FSHR: variants seen among roughly 807,000 people sequenced by gnomAD.
FSHR encodes the protein follicle-stimulating hormone receptor.
FSHR carries 46 observed loss-of-function variants against 52.1 expected under a neutral mutation model. The observed-to-expected ratio is 0.88, with a 90% confidence interval of 0.70 to 1.13. The LOEUF is 1.13. Ranked by LOEUF, FSHR falls within the 50% of genes most tolerant of loss-of-function variation. The probability of loss-of-function intolerance (pLI) is 0.00; values close to 1 mark genes in which losing one functional copy is unlikely to be tolerated. For synonymous variants in FSHR, 399 were observed against 309.6 expected (o/e 1.29, Z -3.03); for missense variants, 964 against 834.6 (o/e 1.16, Z -1.91).
intron 1 of FSHR, among the ~76,000 whole-genome samples, chr2:49,076,921 G>T (rs1471191280): frequency 6.6e-6 from 1 of 152,168 alleles, no homozygotes; most frequent in Non-Finnish European, 1.5e-5. Context: ...GTAAGAGGTG[G>T]GTTCCATGAT....
chr2:48,988,952 G>C, intron 6 of FSHR, 25 bp downstream of exon 6: 2 of 1,582,842 alleles, frequency 1.3e-6, no homozygotes, highest in Non-Finnish European at 1.7e-6. Flanking sequence ...ATGTTACTCT[G>C]TTGGATTTTT....
chr2:48,997,698 C>G (rs970212410), intron 4 of FSHR, among the ~76,000 whole-genome samples: 1 of 152,128 alleles, frequency 6.6e-6, no homozygotes, highest in Non-Finnish European at 1.5e-5. Flanking sequence ...TGGTCATGCT[C>G]CAGCCTTGTA....
chr2:48,977,053 T>C (rs992193766), intron 8 of FSHR, among the ~76,000 whole-genome samples: 1 of 152,120 alleles, frequency 6.6e-6, no homozygotes, highest in Admixed American at 6.5e-5. Context: ...TACACCTATG[T>C]AACAAACCTG....
chr2:48,969,735 C>T (rs981657786), intron 8 of FSHR, among the ~76,000 whole-genome samples: 4 of 152,222 alleles, frequency 2.6e-5, no homozygotes, highest in East Asian at 1.9e-4. Context: ...GTCCATTAGA[C>T]CTCAGCACAA....
At chr2:49,094,690 A>T (rs1670756490) in intron 1 of FSHR, among the ~76,000 whole-genome samples, 1 of 152,194 alleles carries the variant, frequency 6.6e-6, no homozygotes. Flanking sequence ...AGGAAAATGT[A>T]TAGCTACAAA....
chr2:49,061,742 A>T (rs1314040507), intron 2 of FSHR, among the ~76,000 whole-genome samples: 1 of 60,074 alleles, frequency 1.7e-5, no homozygotes, highest in African/African-American at 4.3e-5. Flanking sequence ...ATAGCTATTT[A>T]TATATAACTA....
chr2:49,043,565 T>C (rs1384526685), intron 2 of FSHR, among the ~76,000 whole-genome samples: 2 of 152,196 alleles, frequency 1.3e-5, no homozygotes, highest in African/African-American at 2.4e-5. Flanking sequence ...AGATGTAATT[T>C]GAATCTGTCT....
intron 1 of FSHR, among the ~76,000 whole-genome samples, chr2:49,111,898 A>C (rs1671437359): frequency 6.6e-6 from 1 of 152,192 alleles, no homozygotes; most frequent in Admixed American, 6.5e-5. Flanking sequence ...TTCCATGTGG[A>C]TCATCCCATG....
rs536001186 is a variant in FSHR at position 49,034,318 on chromosome 2, C to A, written c.225-14158G>T. Among the ~76,000 whole-genome samples, 8 of 152,266 alleles carry A rather than the reference C, an allele frequency of 5.3e-5. No individual in the cohort carries two copies. The East Asian group carries it at 1.5e-3, about 29-fold the overall frequency. ...TGGATTTTCAGAGTATTGCCTGACCCCCCTTCCGAGGTCCCAAGGAGTTAA... is the reference window on the plus strand; with the variant it reads ...TGGATTTTCAGAGTATTGCCTGACCACCCTTCCGAGGTCCCAAGGAGTTAA... On this transcript the variant is annotated intron_variant, in intron 2 of 9. Transcript: ENST00000406846.
intron 2 of FSHR, among the ~76,000 whole-genome samples, chr2:49,027,092 C>A (rs1256635908): frequency 6.6e-6 from 1 of 152,212 alleles, no homozygotes; most frequent in East Asian, 1.9e-4. Flanking sequence ...CCCTACTGGC[C>A]CACTGGACTA....
At chr2:49,073,472 C>A (rs1233140252) in intron 1 of FSHR, among the ~76,000 whole-genome samples, 2 of 151,834 alleles carry the variant, frequency 1.3e-5, no homozygotes, top group Non-Finnish European at 2.9e-5. Context: ...CAAAAAAATA[C>A]CCAGGAATAA....
chr2:49,069,520 A>G (rs1248557118), intron 1 of FSHR, among the ~76,000 whole-genome samples: 2 of 152,014 alleles, frequency 1.3e-5, no homozygotes, highest in Non-Finnish European at 2.9e-5. Flanking sequence ...TTGTGTATCC[A>G]TTTGTTTGTT....
At chr2:48,996,604 T>G (rs1403063917) in intron 4 of FSHR, among the ~76,000 whole-genome samples, 1 of 152,046 alleles carries the variant, frequency 6.6e-6, no homozygotes, top group Middle Eastern at 3.2e-3. Flanking sequence ...AACCATGACA[T>G]CACCAAGAAA....
chr2:49,017,676 A>G, intron 3 of FSHR, 113 bp from the exon 4 acceptor site: 1 of 774,294 alleles, frequency 1.3e-6, no homozygotes, highest in Non-Finnish European at 2.3e-6. Flanking sequence ...TCATCCACCC[A>G]TCTATTCATC....
intron 2 of FSHR, among the ~76,000 whole-genome samples, chr2:49,064,202 G>A (rs1253362787): frequency 6.6e-6 from 1 of 151,930 alleles, no homozygotes; most frequent in African/African-American, 2.4e-5. Context: ...CTGGTAAATG[G>A]GGACAGCACA....
chr2:48,997,719 C>T (rs970560338), intron 4 of FSHR, among the ~76,000 whole-genome samples: 1 of 152,122 alleles, frequency 6.6e-6, no homozygotes, highest in Non-Finnish European at 1.5e-5. Flanking sequence ...TTCCAGTTGC[C>T]ATATCTGAGA....
At chr2:48,990,321 T>C (rs1675710329) in intron 5 of FSHR, among the ~76,000 whole-genome samples, 1 of 152,184 alleles carries the variant, frequency 6.6e-6, no homozygotes, top group Non-Finnish European at 1.5e-5. Context: ...CACTTTTTGA[T>C]TTTGCTACAT....
chr2:49,071,059 CAT>C (rs1435681698), intron 1 of FSHR, among the ~76,000 whole-genome samples: 1 of 152,042 alleles, frequency 6.6e-6, no homozygotes, highest in African/African-American at 2.4e-5. Context: ...GAAACTGGCA[CAT>C]GAGATGAGAT....
intron 2 of FSHR, among the ~76,000 whole-genome samples, chr2:49,048,189 A>G (rs1355617948): frequency 6.6e-6 from 1 of 152,110 alleles, no homozygotes; most frequent in East Asian, 1.9e-4. Flanking sequence ...GCCAGCCTGT[A>G]TAGCTTAAAT....
Sources: gnomAD v4.1 joint callset for allele counts (sites outside exome capture counted in the v4.1 genomes callset) on GRCh38, gnomAD v4.1.1 for gene constraint, MANE v1.5 for transcripts, NCBI Gene and HGNC (gene_info 2026-07-23, HGNC 2026-07-21) for gene names.